TLN2: variants seen among roughly 807,000 people sequenced by gnomAD.
The protein encoded by TLN2 is talin 2, also known as talin-2.
In TLN2, 118 loss-of-function variants were observed where a neutral mutation model predicts 294.7. The ratio of observed to expected loss-of-function variants is 0.40; its 90% CI spans 0.34 to 0.47. The LOEUF (loss-of-function observed/expected upper bound fraction) is 0.47, where lower values mean the gene tolerates loss of function less well. Among genes scored for constraint, TLN2 ranks in the 20% least tolerant of loss-of-function variants. The pLI is 0.84. For missense variants in TLN2, 3,083 were observed against 3,282.2 expected (o/e 0.94, Z 1.48); for synonymous variants, 1,431 against 1,304.5 (o/e 1.10, Z -2.09).
At chr15:62,394,410 A>G (rs1016890695) in intron 1 of TLN2, among the ~76,000 whole-genome samples, 1 of 152,232 alleles carries the variant, frequency 6.6e-6, no homozygotes, top group African/African-American at 2.4e-5. Context: ...CAAAAATTTT[A>G]AAGACAAGAA....
chr15:62,587,154 C>A (rs1267204076), intron 1 of TLN2, among the ~76,000 whole-genome samples: 1 of 152,164 alleles, frequency 6.6e-6, no homozygotes, highest in Admixed American at 6.5e-5. Flanking sequence ...GAAGGTAACT[C>A]CCTACTCAGT....
intron 25 of TLN2, among the ~76,000 whole-genome samples, chr15:62,721,395 T>G (rs1322183404): frequency 6.6e-6 from 1 of 152,210 alleles, no homozygotes. Flanking sequence ...TGGTTTTGCA[T>G]TTCTCCGATA....
intron 34 of TLN2, 75 bp downstream of exon 34, chr15:62,750,566 G>A: frequency 1.6e-6 from 2 of 1,284,724 alleles, no homozygotes; most frequent in Admixed American, 3.4e-5. Flanking sequence ...CGTGCCTTCT[G>A]TGCATCTGCC....
intron 1 of TLN2, among the ~76,000 whole-genome samples, chr15:62,418,351 C>T (rs142143876): frequency 3.4e-4 from 52 of 152,270 alleles, no homozygotes; most frequent in African/African-American, 1.2e-3. Flanking sequence ...TGATTTTGTC[C>T]TTTGAGTTGC....
At position 62,675,460 on chromosome 15, in the gene TLN2, C is replaced by T. The variant is rs1057481798; in HGVS notation, c.957+139C>T. The T allele has an allele frequency of 2.2e-5, 17 of 778,932 alleles. No homozygotes were observed. In the African/African-American group the frequency reaches 2.4e-4, roughly 11 times the overall value. 48.3% of individuals were successfully genotyped at this position (778,932 alleles called of 1,614,324 possible). A position where few individuals can be genotyped will look rare whatever the true frequency, so the allele number is the denominator to read the frequency against. Reference sequence around the variant, plus strand: ...GGAACATCTGGCTAGTGCTGACCTGCGTTTAGCTGCCGCACAGGCATGAGG... The same window carrying T: ...GGAACATCTGGCTAGTGCTGACCTGTGTTTAGCTGCCGCACAGGCATGAGG... On this transcript the variant is annotated intron_variant, in intron 11 of 58. Coordinates refer to ENST00000636159, the MANE Select transcript of TLN2 (RefSeq NM_015059.3).
chr15:62,787,611 G>A (rs559426111), intron 45 of TLN2, among the ~76,000 whole-genome samples: 9 of 151,372 alleles, frequency 5.9e-5, no homozygotes, highest in South Asian at 2.1e-4. Context: ...CTGGTAGTTC[G>A]TTGGATCACC....
chr15:62,611,274 T>C (rs34489906), intron 2 of TLN2, among the ~76,000 whole-genome samples: 28,438 of 152,262 alleles, frequency 0.19, 3,272 homozygotes, highest in East Asian at 0.4. Flanking sequence ...ACTGGCTTTA[T>C]GCTACTGGTT....
chr15:62,632,320 C>G (rs977367381), intron 3 of TLN2, among the ~76,000 whole-genome samples: 2 of 152,212 alleles, frequency 1.3e-5, no homozygotes, highest in Non-Finnish European at 2.9e-5. Context: ...CCAGAATAAT[C>G]TTGGAGCCCT....
chr15:62,814,980 AGTAG>A (rs779818819), intron 52 of TLN2, among the ~76,000 whole-genome samples: 8 of 152,230 alleles, frequency 5.3e-5, no homozygotes, highest in Non-Finnish European at 1.0e-4. Context: ...AAGCCTGGGA[AGTAG>A]TGTTCGTTTT....
rs2063377602 is a variant in TLN2, at chr15:62,772,007, G to GGTT, written c.5367+874_5367+876dup. Among the ~76,000 whole-genome samples, 6 of 152,258 alleles carry GGTT rather than the reference G, an allele frequency of 3.9e-5. No homozygotes were observed. The South Asian group carries it at 1.2e-3, about 32-fold the overall frequency. ...CATGTCTTACTGTATTGCCCAGGCT[G>GGTT]GTTATGAATTCGTGGCCTCGTGCCT... is the stretch of plus-strand genomic sequence containing the variant. On this transcript the variant is annotated intron_variant, in intron 42 of 58. Transcript: ENST00000636159.
intron 32 of TLN2, among the ~76,000 whole-genome samples, chr15:62,748,106 G>A (rs1226784269): frequency 6.6e-6 from 1 of 152,048 alleles, no homozygotes; most frequent in Non-Finnish European, 1.5e-5. Context: ...TTGTTCAAAG[G>A]TCAACTGTAT....
At position 62,771,054 on chromosome 15, in the gene TLN2, G is replaced by T; in HGVS notation, c.5287G>T (p.Val1763Leu). The T allele has an allele frequency of 6.2e-7, 1 of 1,613,904 alleles. No homozygotes were observed. Among genetic ancestry groups the T allele is most frequent in the Non-Finnish European group, 8.5e-7 (1 of 1,179,972 alleles). ...KILDHQQQMT[V>L]LDQTKTLAES... Reference sequence around the variant, plus strand: ...TCTTGATCATCAGCAGCAGATGACGGTGCTGGACCAGACCAAGACTCTCGC... The same window carrying T: ...TCTTGATCATCAGCAGCAGATGACGTTGCTGGACCAGACCAAGACTCTCGC... The change falls in exon 42 of 59, where the codon GTG (valine) becomes TTG (leucine). Residue 1763 changes from valine to leucine, a missense_variant. By Grantham distance (32) the Val-to-Leu change is conservative (BLOSUM62 1). Coordinates refer to ENST00000636159, the MANE Select transcript of TLN2 (RefSeq NM_015059.3).
intron 1 of TLN2, among the ~76,000 whole-genome samples, chr15:62,453,231 A>G (rs1200927046): frequency 6.6e-6 from 1 of 150,470 alleles, no homozygotes; most frequent in African/African-American, 2.4e-5. Flanking sequence ...TGGTGCAGAG[A>G]GAGAGGCCAT....
intron 24 of TLN2, 35 bp downstream of exon 24, chr15:62,717,724 G>A (rs371948215): frequency 9.7e-5 from 142 of 1,457,488 alleles, no homozygotes; most frequent in Non-Finnish European, 1.3e-4. Context: ...CAGGTCAGCT[G>A]CAGATGACCC....
chr15:62,701,015 A>T (rs1226278249), intron 16 of TLN2, 91 bp from the exon 17 acceptor site: 3 of 1,162,132 alleles, frequency 2.6e-6, no homozygotes, highest in Non-Finnish European at 2.5e-6. Flanking sequence ...GAATGTAGCC[A>T]AAATGCTGGT....
intron 2 of TLN2, among the ~76,000 whole-genome samples, chr15:62,606,982 C>G (rs957672181): frequency 6.6e-6 from 1 of 152,110 alleles, no homozygotes; most frequent in Non-Finnish European, 1.5e-5. Flanking sequence ...CATCATCATC[C>G]TCCTCCTCAC....
chr15:62,729,310 GTTGA>G (rs1241734347), intron 28 of TLN2, among the ~76,000 whole-genome samples: 1 of 152,198 alleles, frequency 6.6e-6, no homozygotes, highest in Admixed American at 6.5e-5. Context: ...TCAAGTTAGT[GTTGA>G]TTATTCTTGG....
At chr15:62,613,804 C>G (rs1485588939) in intron 2 of TLN2, among the ~76,000 whole-genome samples, 1 of 140,562 alleles carries the variant, frequency 7.1e-6, no homozygotes, top group Non-Finnish European at 1.5e-5. Context: ...GCATATGCAA[C>G]AAGAGGGATC....
chr15:62,603,772 A>G (rs2047191933), intron 2 of TLN2, among the ~76,000 whole-genome samples: 2 of 152,216 alleles, frequency 1.3e-5, no homozygotes, highest in Admixed American at 1.3e-4. Context: ...ATTTCGGTGG[A>G]ATCTGTGTTA....
Sources: allele counts gnomAD v4.1 joint callset (sites outside exome capture counted in the v4.1 genomes callset), GRCh38; gene constraint gnomAD v4.1.1; transcripts MANE v1.5; gene names NCBI Gene and HGNC (gene_info 2026-07-23, HGNC 2026-07-21).